FBN3: variants seen among roughly 807,000 people sequenced by gnomAD.
FBN3 encodes the protein fibrillin 3, also known as fibrillin-3.
Under a neutral mutation model 330.1 loss-of-function variants are expected in FBN3, and 234 were observed. The ratio of observed to expected loss-of-function variants is 0.71; its 90% CI spans 0.64 to 0.79. The LOEUF (loss-of-function observed/expected upper bound fraction) is 0.79, where lower values mean the gene tolerates loss of function less well. Among genes scored for constraint, FBN3 ranks in the 30% least tolerant of loss-of-function variants. The probability of loss-of-function intolerance (pLI) is 0.00; values close to 1 mark genes in which losing one functional copy is unlikely to be tolerated. For synonymous variants in FBN3, 1,458 were observed against 1,517.3 expected (o/e 0.96, Z 0.91); for missense variants, 3,606 against 3,886.9 (o/e 0.93, Z 1.92).
intron 57 of FBN3, 61 bp downstream of exon 57, chr19:8,083,186 G>A: frequency 1.9e-6 from 3 of 1,599,602 alleles, no homozygotes; most frequent in Non-Finnish European, 2.6e-6. Flanking sequence ...GTTGAGTTCA[G>A]GGGCTGCACA....
chr19:8,086,071 G>A, intron 55 of FBN3, 129 bp downstream of exon 55: 1 of 502,690 alleles, frequency 2.0e-6, no homozygotes, highest in South Asian at 2.6e-5. Flanking sequence ...GCAGTGGAGG[G>A]AACAGGCAGT....
intron 56 of FBN3, among the ~76,000 whole-genome samples, chr19:8,084,851 G>C (rs1453975358): frequency 6.6e-6 from 1 of 151,796 alleles, no homozygotes; most frequent in Non-Finnish European, 1.5e-5. Context: ...GCCTCCCAAA[G>C]TGCTGGGATT....
At position 8,096,217 on chromosome 19, in the gene FBN3, G is replaced by T. The variant is rs2082206127; in HGVS notation, c.5540-137C>A. The T allele has an allele frequency of 1.2e-6, 1 of 863,704 alleles. No homozygotes were observed. The highest frequency in any genetic ancestry group is 2.0e-5 in the Admixed American group (1 of 50,384). 53.5% of individuals were successfully genotyped at this position (863,704 alleles called of 1,614,324 possible). On this transcript the variant is annotated intron_variant, in intron 44 of 63. Transcript: ENST00000600128. The surrounding 1 kb of genome is among the most constrained non-coding windows in gnomAD (Gnocchi z 4.6). ...GATGACTGGGCAGTGACCCCTGGCG[G>T]TGATGGCTGGGAAGTACTCCTGGTA...
intron 41 of FBN3, among the ~76,000 whole-genome samples, chr19:8,098,487 G>T (rs1250489832): frequency 7.0e-6 from 1 of 143,372 alleles, no homozygotes; most frequent in Non-Finnish European, 1.5e-5. Flanking sequence ...GTGTCCATCA[G>T]TGGGGGACTG....
chr19:8,135,843 A>C, intron 13 of FBN3, 118 bp downstream of exon 13: 1 of 1,140,522 alleles, frequency 8.8e-7, no homozygotes, highest in Non-Finnish European at 1.3e-6. Flanking sequence ...AGAGGTGAGC[A>C]GAGGAGACGT....
intron 3 of FBN3, among the ~76,000 whole-genome samples, chr19:8,146,772 C>A (rs2083556379): frequency 6.6e-6 from 1 of 151,690 alleles, no homozygotes; most frequent in South Asian, 2.1e-4. Flanking sequence ...TTGAGACCAG[C>A]CTGAGCAACA....
Position 8,065,885 on chromosome 19 carries a change from C to T in FBN3, c.*34G>A, listed in dbSNP as rs1339787500. ...TTCCCAGTTCCAGAATCCCCCTTCT[C>T]TGGACAGCTGGGGCCCACTGAGGCT... On this transcript the variant is annotated 3_prime_UTR_variant, in exon 64 of 64. Coordinates refer to ENST00000600128, the MANE Select transcript of FBN3 (RefSeq NM_032447.5). 3 of 1,492,232 alleles carry T rather than the reference C, an allele frequency of 2.0e-6. No individual in the cohort carries two copies. The highest frequency in any genetic ancestry group is 2.1e-5 in the Admixed American group (1 of 47,158). The allele number at this position is 1,492,232 out of a possible 1,614,324, so 92.4% of individuals were successfully genotyped here.
At position 8,147,463 on chromosome 19, in the gene FBN3, C is replaced by A; in HGVS notation, c.18G>T (p.Leu6=). MTLEG[L]YLARGPLARL... is the part of the protein sequence containing the mutation. ...GGGCCAGGGGGCCCCTTGCCAAATA[C>A]AGACCCTCCAGAGTCATGGCGTGTC... is the stretch of plus-strand genomic sequence containing the variant. Residue 6 remains leucine (L), a synonymous_variant, in exon 2 of 64, where the codon CTG becomes CTT. Transcript: ENST00000600128. 6.5e-7 allele frequency: 1 copy of A among 1,535,052 alleles called. No individual in the cohort carries two copies. The highest frequency in any genetic ancestry group is 1.3e-5 in the South Asian group (1 of 79,196).
chr19:8,143,796 T>G (rs2083469637), intron 6 of FBN3, among the ~76,000 whole-genome samples: 1 of 72,754 alleles, frequency 1.4e-5, no homozygotes, highest in Non-Finnish European at 4.0e-5. Flanking sequence ...CCTGGCCTCT[T>G]TTCTTTCTTT....
chr19:8,102,733 G>A lies in FBN3; in HGVS notation c.5080C>T (p.Pro1694Ser). 6.2e-7 allele frequency: 1 copy of A among 1,613,206 alleles called. No homozygotes were observed. The highest frequency in any genetic ancestry group is 8.5e-7 in the Non-Finnish European group (1 of 1,179,616). ...GGGGAGGGTTACTCACGACTGATGG[G>A]AGTGGGGCAGGCCTCACAGGGTCTA... ...WNRPCEACPT[P>S]ISPDYQILCG... The change falls in exon 40 of 64, where the codon CCC becomes TCC. Residue 1694 changes from proline (P) to serine (S), a missense_variant. By Grantham distance (74) the Pro-to-Ser change is moderately conservative. Coordinates refer to ENST00000600128, the MANE Select transcript of FBN3 (RefSeq NM_032447.5).
intron 38 of FBN3, 101 bp downstream of exon 38, chr19:8,106,007 C>T: frequency 1.4e-6 from 2 of 1,427,354 alleles, no homozygotes; most frequent in Admixed American, 1.9e-5. Context: ...GAAGCCTTTC[C>T]ATGAGGCCTT....
intron 63 of FBN3, among the ~76,000 whole-genome samples, chr19:8,066,634 A>G (rs911140939): frequency 3.9e-5 from 6 of 152,176 alleles, no homozygotes; most frequent in African/African-American, 1.4e-4. Flanking sequence ...TAATCCCAGC[A>G]CTTTGGGAGG....
chr19:8,082,309 C>CTCTT (rs145407689), intron 57 of FBN3, among the ~76,000 whole-genome samples: 3 of 40,856 alleles, frequency 7.3e-5, no homozygotes, highest in African/African-American at 2.6e-4. Flanking sequence ...CTCTTTCTCC[C>CTCTT]TTTCTCTTTC....
Position 8,129,382 on chromosome 19 carries a change from G to A in FBN3, c.2045-17C>T. Reference sequence around the variant, plus strand: ...CGTTGATGTCTGCGGCAGGAGGAGGGTGTGTCAGCAGCAGCAGAAGGAGGG... The same window carrying A: ...CGTTGATGTCTGCGGCAGGAGGAGGATGTGTCAGCAGCAGCAGAAGGAGGG... On this transcript the variant is annotated splice_polypyrimidine_tract_variant and intron_variant, in intron 16 of 63. Transcript: ENST00000600128. This position sits in a 1 kb window ranked among gnomAD's most constrained non-coding sequence, Gnocchi z 4.5. The A allele has an allele frequency of 2.5e-6, 4 of 1,613,176 alleles. No individual in the cohort carries two copies. Among genetic ancestry groups the A allele is most frequent in the African/African-American group, 2.7e-5 (2 of 75,040 alleles).
In FBN3 at chr19:8,067,696, C is replaced by T. The variant is rs1200044773; in HGVS notation, c.8089-1436G>A. On this transcript the variant is annotated intron_variant, in intron 63 of 63. Coordinates refer to ENST00000600128, the MANE Select transcript of FBN3 (RefSeq NM_032447.5). ...AATCTTTGAGGCACTGGGGATTTAG[C>T]AATGAGCAGATAAAAATCCTTCCCC... 4.6e-5 allele frequency among the ~76,000 whole-genome samples: 7 copies of T among 152,148 alleles called. No individual in the cohort carries two copies. In the East Asian group the frequency reaches 1.2e-3, roughly 25 times the overall value.
At position 8,121,418 on chromosome 19, in the gene FBN3, C is replaced by T; in HGVS notation, c.3083-32G>A. 2 of 1,557,572 alleles carry T rather than the reference C, an allele frequency of 1.3e-6. No individual in the cohort carries two copies. The highest frequency in any genetic ancestry group is 1.7e-6 in the Non-Finnish European group (2 of 1,148,802). ...GGAGAGGGGGCAGAGGCCGGAGGCG[C>T]CATGTGGGCCGCATCATGGGGCACG... is the stretch of plus-strand genomic sequence containing the variant. On this transcript the variant is annotated intron_variant, in intron 24 of 63. Transcript: ENST00000600128. This position sits in a 1 kb window ranked among gnomAD's most constrained non-coding sequence, Gnocchi z 4.5.
At position 8,142,150 on chromosome 19, in the gene FBN3, C is replaced by G. The variant is rs774007869; in HGVS notation, c.542-13G>C. On this transcript the variant is annotated splice_polypyrimidine_tract_variant and intron_variant, in intron 6 of 63. Coordinates refer to ENST00000600128, the MANE Select transcript of FBN3 (RefSeq NM_032447.5). ...CCCGTCCGGTAATCTGCAGGGCAGA[C>G]AGATGTGGGTACCTGGCTGAGGGCT... 2 of 1,594,646 alleles carry G rather than the reference C, an allele frequency of 1.3e-6. No homozygotes were observed. Among genetic ancestry groups the G allele is most frequent in the South Asian group, 2.2e-5 (2 of 90,016 alleles).
At chr19:8,089,390 T>A (rs1439551551) in intron 51 of FBN3, among the ~76,000 whole-genome samples, 155 bp downstream of exon 51, 2 of 152,118 alleles carry the variant, frequency 1.3e-5, no homozygotes, top group African/African-American at 4.8e-5. Context: ...AATGAGTGAA[T>A]GAAGCACAGA....
chr19:8,146,295 CGGGCTGGCCG>C, intron 3 of FBN3, 70 bp from the exon 4 acceptor site: 2 of 1,344,550 alleles, frequency 1.5e-6, no homozygotes, highest in Non-Finnish European at 2.1e-6. Flanking sequence ...CATTGGTGTC[CGGGCTGGCCG>C]GAACACCTCA....
Sources: gnomAD v4.1 joint callset for allele counts (sites outside exome capture counted in the v4.1 genomes callset) on GRCh38, gnomAD v4.1.1 for gene constraint, Gnocchi (gnomAD v3.1) non-coding constraint, MANE v1.5 for transcripts, NCBI Gene and HGNC (gene_info 2026-07-23, HGNC 2026-07-21) for gene names.